The following DLG2 variants were observed in gnomAD, a reference collection of about 807,000 sequenced individuals.
The protein encoded by DLG2 is discs large MAGUK scaffold protein 2.
DLG2 carries 45 observed loss-of-function variants against 132.5 expected under a neutral mutation model. That is an observed-to-expected ratio of 0.34 (90% CI 0.27 to 0.44). The LOEUF (loss-of-function observed/expected upper bound fraction) is 0.44, where lower values mean the gene tolerates loss of function less well. Among genes scored for constraint, DLG2 ranks in the 20% least tolerant of loss-of-function variants. DLG2 has a pLI of 1.00. For synonymous variants in DLG2, 424 were observed against 419.6 expected (o/e 1.01, Z -0.13); for missense variants, 1,045 against 1,196.9 (o/e 0.87, Z 1.87).
chr11:84,946,820 C>A (rs2050266877), intron 6 of DLG2, among the ~76,000 whole-genome samples: 1 of 152,154 alleles, frequency 6.6e-6, no homozygotes, highest in Admixed American at 6.5e-5. Context: ...GCCTTGACTG[C>A]CTTTCAAATT....
At chr11:83,870,293 A>C (rs2063188536) in intron 16 of DLG2, among the ~76,000 whole-genome samples, 1 of 152,118 alleles carries the variant, frequency 6.6e-6, no homozygotes, top group African/African-American at 2.4e-5. Context: ...GAAGTATTTC[A>C]CTCTATTGAG....
chr11:85,162,730 A>T (rs1202672621), intron 4 of DLG2, among the ~76,000 whole-genome samples: 1 of 152,126 alleles, frequency 6.6e-6, no homozygotes, highest in East Asian at 1.9e-4. Flanking sequence ...ATTATGTTAG[A>T]TGTAATTATG....
intron 18 of DLG2, among the ~76,000 whole-genome samples, chr11:83,780,966 C>T (rs983301077): frequency 6.6e-6 from 1 of 152,188 alleles, no homozygotes; most frequent in African/African-American, 2.4e-5. Flanking sequence ...CTCTAATGTG[C>T]ATACAAGTTA....
intron 15 of DLG2, among the ~76,000 whole-genome samples, chr11:83,924,489 T>C (rs978990290): frequency 1.3e-5 from 2 of 152,094 alleles, no homozygotes; most frequent in African/African-American, 4.8e-5. Context: ...TTTGAAGCCT[T>C]AATGAAAACA....
chr11:84,825,261 T>C (rs759323456), intron 6 of DLG2, among the ~76,000 whole-genome samples: 1 of 151,824 alleles, frequency 6.6e-6, no homozygotes, highest in Non-Finnish European at 1.5e-5. Context: ...CAGATCATCT[T>C]ACTGTATTTG....
chr11:84,195,835 G>T (rs1188282166), intron 8 of DLG2, among the ~76,000 whole-genome samples: 1 of 152,076 alleles, frequency 6.6e-6, no homozygotes, highest in African/African-American at 2.4e-5. Context: ...TAAATTATGT[G>T]TGTGTTTGTT....
chr11:84,941,247 T>C (rs2049380080), intron 6 of DLG2, among the ~76,000 whole-genome samples: 1 of 152,244 alleles, frequency 6.6e-6, no homozygotes, highest in African/African-American at 2.4e-5. Flanking sequence ...TAAGATTGTT[T>C]TAGCTATTTC....
intron 22 of DLG2, among the ~76,000 whole-genome samples, chr11:83,477,732 G>A (rs533716254): frequency 7.4e-6 from 1 of 134,588 alleles, no homozygotes; most frequent in South Asian, 2.4e-4. Context: ...GGATATTGGT[G>A]AAAAGAGGGG....
chr11:85,411,384 T>C (rs1289132748), intron 3 of DLG2, among the ~76,000 whole-genome samples: 1 of 151,880 alleles, frequency 6.6e-6, no homozygotes, highest in Non-Finnish European at 1.5e-5. Flanking sequence ...CTTGCAGCGT[T>C]AAAGAACATA....
chr11:84,997,231 A>G (rs969126605), intron 6 of DLG2: 4 of 152,918 alleles, frequency 2.6e-5, no homozygotes, highest in African/African-American at 9.6e-5. Context: ...AGGTTTCACA[A>G]AACAAGTTAC....
chr11:85,452,379 G>C, intron 3 of DLG2: 1 of 152,864 alleles, frequency 6.5e-6, no homozygotes, highest in East Asian at 1.9e-4. Flanking sequence ...CAGATCCTCT[G>C]AAACCTCCAC....
At chr11:84,607,801 A>G (rs1367574166) in intron 6 of DLG2, among the ~76,000 whole-genome samples, 2 of 152,066 alleles carry the variant, frequency 1.3e-5, no homozygotes, top group Non-Finnish European at 2.9e-5. Flanking sequence ...TTCAAGGTTG[A>G]AGTAAGGTAA....
At chr11:84,302,323 G>A (rs1026351360) in intron 7 of DLG2, among the ~76,000 whole-genome samples, 12 of 152,078 alleles carry the variant, frequency 7.9e-5, no homozygotes, top group Admixed American at 1.3e-4. Flanking sequence ...TTCTGCACAT[G>A]TATCCCAGAA....
intron 15 of DLG2, among the ~76,000 whole-genome samples, chr11:83,889,006 G>C (rs1772265694): frequency 6.6e-6 from 1 of 152,066 alleles, no homozygotes. Flanking sequence ...AAAAACCCTA[G>C]AAGAAAACCT....
intron 18 of DLG2, among the ~76,000 whole-genome samples, chr11:83,754,064 C>T (rs1593710462): frequency 6.7e-6 from 1 of 149,704 alleles, no homozygotes; most frequent in African/African-American, 2.5e-5. Flanking sequence ...ATGCTTTTGC[C>T]CTAAACATGG....
chr11:83,580,255 G>C (rs2096947774), intron 19 of DLG2, among the ~76,000 whole-genome samples: 1 of 151,474 alleles, frequency 6.6e-6, no homozygotes, highest in Non-Finnish European at 1.5e-5. Context: ...CCTCTACTTT[G>C]GTTCCTTCCT....
At chr11:83,660,259 T>C (rs760766051) in intron 18 of DLG2, among the ~76,000 whole-genome samples, 7 of 152,222 alleles carry the variant, frequency 4.6e-5, no homozygotes, top group African/African-American at 9.6e-5. Flanking sequence ...TGTAATAACA[T>C]GTAATCTGAA....
At chr11:84,942,803 T>C (rs2049634522) in intron 6 of DLG2, among the ~76,000 whole-genome samples, 1 of 152,192 alleles carries the variant, frequency 6.6e-6, no homozygotes, top group African/African-American at 2.4e-5. Flanking sequence ...ATCTGTTTAA[T>C]GCTGAAAGTG....
intron 15 of DLG2, among the ~76,000 whole-genome samples, chr11:83,911,454 T>G (rs928998458): frequency 1.2e-4 from 19 of 152,282 alleles, no homozygotes; most frequent in African/African-American, 4.6e-4. Flanking sequence ...AGTGTTTCTA[T>G]GAACTAAGGT....
Sources: allele counts gnomAD v4.1 joint callset (sites outside exome capture counted in the v4.1 genomes callset), GRCh38; gene constraint gnomAD v4.1.1; transcripts MANE v1.5; gene names NCBI Gene and HGNC (gene_info 2026-07-23, HGNC 2026-07-21).